Variants in TTC3 observed in about 807,000 individuals in gnomAD.
The protein encoded by TTC3 is tetratricopeptide repeat domain 3.
Under a neutral mutation model 249.6 loss-of-function variants are expected in TTC3, and 180 were observed. That is an observed-to-expected ratio of 0.72 (90% CI 0.64 to 0.82). The LOEUF is 0.82. Among genes scored for constraint, TTC3 ranks in the 40% least tolerant of loss-of-function variants. The probability of loss-of-function intolerance (pLI) is 0.00; values close to 1 mark genes in which losing one functional copy is unlikely to be tolerated. For missense variants in TTC3, 2,061 were observed against 2,398.4 expected, an observed-to-expected ratio of 0.86 and a Z score of 2.94; for synonymous variants, 717 against 805.0, an observed-to-expected ratio of 0.89 and a Z score of 1.85.
At chr21:37,191,669 C>G (rs2084129898) in intron 40 of TTC3, among the ~76,000 whole-genome samples, 1 of 152,164 alleles carries the variant, frequency 6.6e-6, no homozygotes, top group Admixed American at 6.5e-5. Context: ...ACCTCCGCCT[C>G]CCAGGTTCAA....
chr21:37,125,822 T>G (rs1377521304), intron 14 of TTC3, among the ~76,000 whole-genome samples: 1 of 152,142 alleles, frequency 6.6e-6, no homozygotes, highest in Non-Finnish European at 1.5e-5. Context: ...TATTGAACAA[T>G]TGTCATGTCA....
chr21:37,088,854 G>A, exon 5 of TTC3: 1 of 1,613,804 alleles, frequency 6.2e-7, no homozygotes, highest in South Asian at 1.1e-5. Context: ...TGAGTTGATG[G>A]AAGATATTGT....
At chr21:37,093,961 T>A (rs3753070) in intron 7 of TTC3, 44 bp from the exon 8 acceptor site, 590,246 of 1,227,168 alleles carry the variant, frequency 0.48, 144,777 homozygotes, top group Non-Finnish European at 0.51. Context: ...TGTTTTTTTT[T>A]AAACAAATGT....
In TTC3 at chr21:37,185,691, A is replaced by T. The variant is rs1336534775; in HGVS notation, c.4758-15A>T. 1 of 1,507,312 alleles carries T rather than the reference A, an allele frequency of 6.6e-7. No individual in the cohort carries two copies. Among genetic ancestry groups the T allele is most frequent in the African/African-American group, 1.4e-5 (1 of 69,606 alleles). 93.4% of individuals were successfully genotyped at this position (1,507,312 alleles called of 1,614,324 possible). Reference sequence around the variant, plus strand: ...TTTCAAAATTAATTAATATTTGGTGATTATGCTTTTATAGGTATACCCAGA... The same window carrying T: ...TTTCAAAATTAATTAATATTTGGTGTTTATGCTTTTATAGGTATACCCAGA... On this transcript the variant is annotated splice_polypyrimidine_tract_variant and intron_variant, in intron 36 of 45. Coordinates refer to ENST00000355666, the Ensembl canonical transcript of TTC3.
At chr21:37,155,249 A>G (rs1052776408) in intron 27 of TTC3, among the ~76,000 whole-genome samples, 7 of 149,602 alleles carry the variant, frequency 4.7e-5, no homozygotes, top group African/African-American at 9.9e-5. Flanking sequence ...TTACCATAAG[A>G]GAGGTCCAGT....
intron 11 of TTC3, among the ~76,000 whole-genome samples, chr21:37,119,360 C>T (rs1193640787): frequency 6.6e-6 from 1 of 152,158 alleles, no homozygotes; most frequent in East Asian, 1.9e-4. Context: ...TTGATAGGAA[C>T]AGGAATTATT....
rs537641426 is a variant in TTC3 at position 37,183,746 on chromosome 21, T to C, written c.4757+833T>C. On this transcript the variant is annotated intron_variant, in intron 36 of 45. Coordinates refer to ENST00000355666, the Ensembl canonical transcript of TTC3. ...TCCTTCCATATGATCTCTATTATGA[T>C]AGCCAGACTTCTTACATGGTAGCTA... Among the ~76,000 whole-genome samples the C allele has an allele frequency of 4.6e-5, 7 of 152,302 alleles. No homozygotes were observed. The South Asian group carries it at 1.2e-3, about 27-fold the overall frequency.
chr21:37,084,236 G>A (rs2072094759), intron 1 of TTC3: 1 of 152,318 alleles, frequency 6.6e-6, no homozygotes, highest in African/African-American at 2.4e-5. Context: ...AGGAAACTGA[G>A]GAAGAGCAGC....
At chr21:37,143,559 G>C (rs1421369481) in intron 20 of TTC3, among the ~76,000 whole-genome samples, 2 of 151,968 alleles carry the variant, frequency 1.3e-5, no homozygotes, top group Admixed American at 6.6e-5. Context: ...TCTCACACCA[G>C]TTAGAATGGC....
chr21:37,082,906 C>T (rs2071897935), intron 1 of TTC3: 1 of 979,906 alleles, frequency 1.0e-6, no homozygotes, highest in Non-Finnish European at 1.2e-6. Flanking sequence ...ACCAACATTT[C>T]CATTAAAACT....
Position 37,121,866 on chromosome 21 carries a change from G to A in TTC3, c.950G>A (p.Trp317Ter). 1 of 1,611,270 alleles carries A rather than the reference G, an allele frequency of 6.2e-7. No individual in the cohort carries two copies. Among genetic ancestry groups the A allele is most frequent in the Non-Finnish European group, 8.5e-7 (1 of 1,178,962 alleles). Residue 317 changes from tryptophan to a stop codon, truncating the protein, a stop_gained, in exon 12 of 46, where the codon TGG becomes TAG. Coordinates refer to ENST00000355666, the Ensembl canonical transcript of TTC3. LOFTEE classifies it high-confidence loss of function. ...CTTTCTATGCTGGGGGAATATGACT[G>A]GGCCCTGCAAGCAAACATAAAAGCT...
intron 10 of TTC3, among the ~76,000 whole-genome samples, chr21:37,102,002 C>T (rs1402874888): frequency 6.7e-6 from 1 of 148,370 alleles, no homozygotes; most frequent in Admixed American, 6.8e-5. Flanking sequence ...TGTAGATTTC[C>T]ATTTTAAAGA....
At chr21:37,190,604 A>G (rs1306904673) in intron 39 of TTC3, among the ~76,000 whole-genome samples, 1 of 152,204 alleles carries the variant, frequency 6.6e-6, no homozygotes, top group Non-Finnish European at 1.5e-5. Flanking sequence ...TCTGGGAAAC[A>G]AAGATAATCT....
intron 38 of TTC3, chr21:37,187,612 C>T (rs2083449015): frequency 6.6e-6 from 1 of 152,308 alleles, no homozygotes; most frequent in South Asian, 2.1e-4. Flanking sequence ...AGACAAAAAT[C>T]AAAATTATGA....
At chr21:37,104,293 C>T (rs1485255509) in intron 10 of TTC3, among the ~76,000 whole-genome samples, 4 of 152,034 alleles carry the variant, frequency 2.6e-5, no homozygotes, top group East Asian at 3.9e-4. Flanking sequence ...GACACTGAAT[C>T]GAAGTGCCTT....
intron 10 of TTC3, chr21:37,107,628 G>GC (rs936550552): frequency 1.3e-5 from 2 of 152,082 alleles, no homozygotes; most frequent in Non-Finnish European, 2.9e-5. Context: ...CTCCCTAATA[G>GC]CCCCAAGAAA....
chr21:37,148,404 A>C, intron 22 of TTC3, 142 bp from the exon 23 acceptor site: 1 of 448,808 alleles, frequency 2.2e-6, no homozygotes, highest in Non-Finnish European at 4.0e-6. Flanking sequence ...AAAATATTTG[A>C]TATATTTTGA....
chr21:37,197,757 A>AAC, intron 43 of TTC3, 61 bp downstream of exon 43: 2 of 1,527,354 alleles, frequency 1.3e-6, no homozygotes, highest in Non-Finnish European at 1.8e-6. Flanking sequence ...GAATTGTTAA[A>AAC]AAAAAAAAAA....
At chr21:37,137,006 A>G (rs144836804) in intron 18 of TTC3, among the ~76,000 whole-genome samples, 17 of 152,356 alleles carry the variant, frequency 1.1e-4, no homozygotes, top group African/African-American at 4.1e-4. Context: ...ATGGCAGCAC[A>G]TCTGTTTACA....
Sources: allele counts gnomAD v4.1 joint callset (sites outside exome capture counted in the v4.1 genomes callset), GRCh38; gene constraint gnomAD v4.1.1; transcripts MANE v1.5; gene names NCBI Gene and HGNC (gene_info 2026-07-23, HGNC 2026-07-21).